POLR2B: variants seen among roughly 807,000 people sequenced by gnomAD.
The protein encoded by POLR2B is RNA polymerase II subunit B.
Under a neutral mutation model 144.6 loss-of-function variants are expected in POLR2B, and 57 were observed. The ratio of observed to expected loss-of-function variants is 0.39; its 90% confidence interval spans 0.32 to 0.49. The LOEUF is 0.49. Among genes scored for constraint, POLR2B ranks in the 20% least tolerant of loss-of-function variants. The pLI, the probability that POLR2B is intolerant of heterozygous loss-of-function variation, is 0.83. For missense variants in POLR2B, 595 were observed against 1,467.4 expected, an observed-to-expected ratio of 0.41 and a Z score of 9.71; for synonymous variants, 442 against 469.8, an observed-to-expected ratio of 0.94 and a Z score of 0.77.
At chr4:56,986,240 G>A (rs779341495) in intron 1 of POLR2B, 114 bp from the exon 2 acceptor site, 7 of 771,822 alleles carry the variant, frequency 9.1e-6, no homozygotes, top group African/African-American at 1.7e-5. Flanking sequence ...TGGGGTGAAA[G>A]CATTACTTAT....
chr4:57,009,019 A>AGACTT (rs71208969), intron 10 of POLR2B, among the ~76,000 whole-genome samples: 135,515 of 151,700 alleles, frequency 0.89, 60,551 homozygotes, highest in East Asian at 0.97. Flanking sequence ...TGTGGAGAAA[A>AGACTT]GAGAAGGGCA....
At chr4:57,000,854 C>G (rs1168639044) in intron 7 of POLR2B, among the ~76,000 whole-genome samples, 1 of 152,044 alleles carries the variant, frequency 6.6e-6, no homozygotes, top group Non-Finnish European at 1.5e-5. Context: ...TGCCACCACG[C>G]CCAGCTAATT....
intron 9 of POLR2B, among the ~76,000 whole-genome samples, chr4:57,006,140 C>A (rs1281400584): frequency 6.6e-6 from 1 of 151,922 alleles, no homozygotes; most frequent in Non-Finnish European, 1.5e-5. Flanking sequence ...TGTATATTTC[C>A]CATATTTTCT....
At chr4:57,001,807 T>C (rs1021246843) in intron 7 of POLR2B, among the ~76,000 whole-genome samples, 3 of 152,214 alleles carry the variant, frequency 2.0e-5, no homozygotes, top group Non-Finnish European at 4.4e-5. Flanking sequence ...TTTCCATTGA[T>C]GCTCCTTATC....
chr4:57,012,594 C>T (rs1162813195), intron 13 of POLR2B, among the ~76,000 whole-genome samples: 1 of 152,098 alleles, frequency 6.6e-6, no homozygotes. Flanking sequence ...GTCTTTGTAC[C>T]TAAAACAGCA....
At chr4:57,029,147 G>A (rs1410585371) in intron 23 of POLR2B, among the ~76,000 whole-genome samples, 1 of 152,100 alleles carries the variant, frequency 6.6e-6, no homozygotes, top group Non-Finnish European at 1.5e-5. Flanking sequence ...TTTTTTGGCA[G>A]TAATACTTTA....
chr4:56,999,948 C>T, intron 7 of POLR2B, among the ~76,000 whole-genome samples, 167 bp downstream of exon 7: 1 of 152,202 alleles, frequency 6.6e-6, no homozygotes, highest in East Asian at 1.9e-4. Flanking sequence ...GCCTGGGTCT[C>T]TTTTCTGACA....
intron 13 of POLR2B, among the ~76,000 whole-genome samples, chr4:57,011,390 C>G (rs556545281): frequency 6.6e-5 from 10 of 151,948 alleles, no homozygotes; most frequent in African/African-American, 2.4e-4. Context: ...TAGCCAGGCA[C>G]GGTGGCATGG....
intron 1 of POLR2B, among the ~76,000 whole-genome samples, chr4:56,979,814 G>T (rs968435694): frequency 1.3e-5 from 2 of 150,928 alleles, no homozygotes; most frequent in African/African-American, 4.9e-5. Flanking sequence ...CCGGACGATC[G>T]CTTGAGCCCA....
In POLR2B at chr4:56,999,844, C is replaced by G. The variant is rs551982466; in HGVS notation, c.900+63C>G. 18 of 1,182,996 alleles carry G rather than the reference C, an allele frequency of 1.5e-5. No homozygotes were observed. The African/African-American group carries it at 2.4e-4, about 16-fold the overall frequency. 73.3% of individuals were successfully genotyped at this position (1,182,996 alleles called of 1,614,324 possible). A position where few individuals can be genotyped will look rare whatever the true frequency, so the allele number is the denominator to read the frequency against. On this transcript the variant is annotated intron_variant, in intron 7 of 24. Transcript: ENST00000314595. ...AGAGATTTAGAGTTACTGATTGTTG[C>G]TAACCTTAAAACATAGTAGAAAGCT...
intron 21 of POLR2B, 65 bp downstream of exon 21, chr4:57,024,177 A>G (rs1723637330): frequency 1.1e-5 from 9 of 823,972 alleles, no homozygotes; most frequent in Non-Finnish European, 1.8e-5. Context: ...CTGATAGGTG[A>G]TTGCTCTCAC....
chr4:57,010,804 A>C lies in POLR2B; in HGVS notation c.1605A>C (p.Gly535=). 1.2e-6 allele frequency: 2 copies of C among 1,608,370 alleles called. No individual in the cohort carries two copies. Among genetic ancestry groups the C allele is most frequent in the African/African-American group, 2.7e-5 (2 of 74,908 alleles). The part of the protein sequence containing the change: ...NLALMAYISV[G]SQPSPILEFL... ...CCTTGATGGCGTATATTTCAGTTGGATCTCAACCATCTCCAATTCTGGAAT... is the reference window on the plus strand; with the variant it reads ...CCTTGATGGCGTATATTTCAGTTGGCTCTCAACCATCTCCAATTCTGGAAT... The change falls in exon 12 of 25, where the codon GGA becomes GGC. Residue 535 remains glycine (G), a synonymous_variant. Coordinates refer to ENST00000314595, the MANE Select transcript of POLR2B (RefSeq NM_000938.3).
chr4:57,013,377 C>G (rs1226587660), intron 13 of POLR2B, among the ~76,000 whole-genome samples: 1 of 143,034 alleles, frequency 7.0e-6, no homozygotes, highest in African/African-American at 2.6e-5. Flanking sequence ...AAAAAAATGT[C>G]TCTCTCTGTC....
intron 6 of POLR2B, among the ~76,000 whole-genome samples, chr4:56,995,777 C>G (rs1043968392): frequency 6.6e-6 from 1 of 152,198 alleles, no homozygotes; most frequent in East Asian, 1.9e-4. Flanking sequence ...TGGCTGGAAG[C>G]CTTTCTTTGT....
At chr4:56,979,896 CAA>C (rs61576956) in intron 1 of POLR2B, among the ~76,000 whole-genome samples, 47,260 of 137,038 alleles carry the variant, frequency 0.34, 7,817 homozygotes, top group East Asian at 0.48. Flanking sequence ...TAGACTGTCT[CAA>C]AAAAAAAAAA....
Position 57,023,685 on chromosome 4 carries a change from G to T in POLR2B, c.2790G>T (p.Gln930His), listed in dbSNP as rs779183423. 10 of 1,613,286 alleles carry T rather than the reference G, an allele frequency of 6.2e-6. No individual in the cohort carries two copies. ...AGGTACGCTCTGTTAGGATTCCACA[G>T]ATTGGAGACAAATTTGCTAGTCGAC... ...KIRVRSVRIP[Q>H]IGDKFASRHG... The change falls in exon 20 of 25, where the codon CAG (glutamine) becomes CAT (histidine). Residue 930 changes from glutamine to histidine, a missense_variant. Gln to His is a conservative substitution (Grantham distance 24). This residue lies in a region of POLR2B where 65 missense variants were observed against 282.8 expected (regional missense o/e 0.23). Transcript: ENST00000314595. This position sits in a 1 kb window ranked among gnomAD's most constrained non-coding sequence, Gnocchi z 4.3.
Position 57,017,063 on chromosome 4 carries a change from G to T in POLR2B, c.1976G>T (p.Ser659Ile), listed in dbSNP as rs1312658294. 6.3e-7 allele frequency: 1 copy of T among 1,591,700 alleles called. No homozygotes were observed. The highest frequency in any genetic ancestry group is 2.3e-5 in the East Asian group (1 of 43,956). Residue 659 changes from serine to isoleucine, a missense_variant, in exon 15 of 25, where the codon AGT (serine) becomes ATT (isoleucine). Transcript: ENST00000314595. The surrounding 1 kb of genome is among the most constrained non-coding windows in gnomAD (Gnocchi z 4.8). ...TTTAGTTGGCAGGATCTTGTGGCCA[G>T]TGGGGTAGTGGAGTATATTGATACC... ...NNYSWQDLVA[S>I]GVVEYIDTLE...
chr4:57,002,814 C>T (rs1192876659), intron 7 of POLR2B: 6 of 148,314 alleles, frequency 4.0e-5, no homozygotes, highest in Non-Finnish European at 8.9e-5. Flanking sequence ...GGGTCCTCCC[C>T]CTTTCTTTAA....
chr4:57,018,178 A>C (rs1165220227), intron 16 of POLR2B, among the ~76,000 whole-genome samples: 1 of 152,174 alleles, frequency 6.6e-6, no homozygotes, highest in Non-Finnish European at 1.5e-5. Context: ...AACAGGTTGA[A>C]TTTTATTTTG....
Sources: gnomAD v4.1 joint callset for allele counts (sites outside exome capture counted in the v4.1 genomes callset) on GRCh38, gnomAD v4.1.1 for gene constraint, gnomAD v4.1.1 regional missense constraint, Gnocchi (gnomAD v3.1) non-coding constraint, MANE v1.5 for transcripts, NCBI Gene and HGNC (gene_info 2026-07-23, HGNC 2026-07-21) for gene names.